ASXL3: variants seen among roughly 807,000 people sequenced by gnomAD.
The protein encoded by ASXL3 is ASXL transcriptional regulator 3, also known as putative Polycomb group protein ASXL3.
In ASXL3, 34 loss-of-function variants were observed where a neutral mutation model predicts 170.6. The ratio of observed to expected loss-of-function variants is 0.20; its 90% confidence interval spans 0.15 to 0.27. The LOEUF is 0.27. ASXL3 is among the 10% of genes least tolerant of loss of function. The probability of loss-of-function intolerance (pLI) is 1.00; values close to 1 mark genes in which losing one functional copy is unlikely to be tolerated. For missense variants in ASXL3, 2,592 were observed against 2,695.3 expected, an observed-to-expected ratio of 0.96 and a Z score of 0.85; for synonymous variants, 1,002 against 989.1, an observed-to-expected ratio of 1.01 and a Z score of -0.24.
intron 8 of ASXL3, among the ~76,000 whole-genome samples, chr18:33,720,475 C>T (rs1379429607): frequency 6.6e-6 from 1 of 151,956 alleles, no homozygotes; most frequent in Non-Finnish European, 1.5e-5. Context: ...AGTTTTTTCC[C>T]CCCTTCCCCC....
chr18:33,617,422 C>T (rs566398535), intron 2 of ASXL3, among the ~76,000 whole-genome samples: 4 of 152,184 alleles, frequency 2.6e-5, no homozygotes, highest in South Asian at 2.1e-4. Flanking sequence ...ACCTGGGAGG[C>T]GGAGGTTGCA....
chr18:33,735,450 A>G (rs1344297382), intron 10 of ASXL3, among the ~76,000 whole-genome samples: 1 of 152,184 alleles, frequency 6.6e-6, no homozygotes, highest in African/African-American at 2.4e-5. Flanking sequence ...AAGCAAAACC[A>G]AATAAAGATA....
At chr18:33,731,799 C>T (rs756917077) in intron 8 of ASXL3, among the ~76,000 whole-genome samples, 169 bp from the exon 9 acceptor site, 2 of 152,094 alleles carry the variant, frequency 1.3e-5, no homozygotes, top group Admixed American at 1.3e-4. Flanking sequence ...CACATGCTCT[C>T]GCTGGAGCTC....
rs375516125 is a variant in ASXL3, at chr18:33,743,250, C to G, written c.3402C>G (p.Ser1134Arg). Reference protein sequence around the residue: ...SKETRLPPPLSSKEGPPNLEV... With the variant: ...SKETRLPPPLRSKEGPPNLEV... ...AGACCCGGTTGCCTCCTCCGCTCAG[C>G]TCAAAGGAAGGGCCTCCAAACTTAG... The change falls in exon 12 of 12, where the codon AGC (serine) becomes AGG (arginine). Residue 1134 changes from serine to arginine, a missense_variant. Ser to Arg is a moderately radical substitution (Grantham distance 110, BLOSUM62 -1). Coordinates refer to ENST00000269197, the MANE Select transcript of ASXL3 (RefSeq NM_030632.3). 6.2e-7 allele frequency: 1 copy of G among 1,613,824 alleles called. No homozygotes were observed. Among genetic ancestry groups the G allele is most frequent in the Non-Finnish European group, 8.5e-7 (1 of 1,179,852 alleles).
At chr18:33,685,333 C>T (rs1397751580) in intron 8 of ASXL3, among the ~76,000 whole-genome samples, 1 of 152,184 alleles carries the variant, frequency 6.6e-6, no homozygotes, top group African/African-American at 2.4e-5. Context: ...CCTTGTTCTC[C>T]AGTAGTCACA....
chr18:33,606,353 G>A (rs979885261), intron 1 of ASXL3, among the ~76,000 whole-genome samples: 1 of 151,882 alleles, frequency 6.6e-6, no homozygotes, highest in African/African-American at 2.4e-5. Context: ...TAAGGAAGGG[G>A]CTGATCAGGA....
intron 2 of ASXL3, among the ~76,000 whole-genome samples, chr18:33,639,652 T>C (rs190993754): frequency 6.6e-6 from 1 of 152,316 alleles, no homozygotes; most frequent in East Asian, 1.9e-4. Context: ...TTTGTCCTTG[T>C]ATTAATGTTT....
chr18:33,642,861 AT>A (rs2065865898), intron 2 of ASXL3, among the ~76,000 whole-genome samples: 1 of 151,860 alleles, frequency 6.6e-6, no homozygotes, highest in Non-Finnish European at 1.5e-5. Flanking sequence ...GTAATGTTAC[AT>A]TTGTTTAGTA....
Position 33,607,690 on chromosome 18 carries a change from T to C in ASXL3, c.137+14T>C. ...AAAAGAAACAAGGTCAGTATCCATA[T>C]TTAAAACATTTTCTGTTTTCATTAA... On this transcript the variant is annotated intron_variant, in intron 2 of 11. Transcript: ENST00000269197. 15 of 1,538,232 alleles carry C rather than the reference T, an allele frequency of 9.8e-6. No homozygotes were observed. The highest frequency in any genetic ancestry group is 1.3e-5 in the Non-Finnish European group (15 of 1,134,000).
chr18:33,680,331 G>A (rs1433069890), intron 7 of ASXL3, among the ~76,000 whole-genome samples: 2 of 151,976 alleles, frequency 1.3e-5, no homozygotes, highest in Non-Finnish European at 2.9e-5. Context: ...AGATGAGGCT[G>A]TATATTATTC....
chr18:33,593,209 C>CTTCT (rs988889388), intron 1 of ASXL3, among the ~76,000 whole-genome samples: 1 of 147,836 alleles, frequency 6.8e-6, no homozygotes, highest in Non-Finnish European at 1.5e-5. Context: ...TGTAACAATA[C>CTTCT]TTCTTTCTTT....
intron 2 of ASXL3, among the ~76,000 whole-genome samples, chr18:33,620,460 A>G (rs967464919): frequency 6.6e-6 from 1 of 152,074 alleles, no homozygotes; most frequent in African/African-American, 2.4e-5. Flanking sequence ...CTCCCCCACT[A>G]CGAGAAGGAA....
chr18:33,719,928 C>A (rs555470999), intron 8 of ASXL3, among the ~76,000 whole-genome samples: 6 of 152,128 alleles, frequency 3.9e-5, no homozygotes, highest in South Asian at 2.1e-4. Flanking sequence ...GCAGACCAGA[C>A]AGACTAAGGC....
In ASXL3 at chr18:33,628,568, A is replaced by T. The variant is rs79184372; in HGVS notation, c.138-16326A>T. Reference sequence around the variant, plus strand: ...TTGTTCTGACATTTCTTCACACTCTATGCTGAAAATGAAGTAAAGATACCC... The same window carrying T: ...TTGTTCTGACATTTCTTCACACTCTTTGCTGAAAATGAAGTAAAGATACCC... On this transcript the variant is annotated intron_variant, in intron 2 of 11. Transcript: ENST00000269197. Among the ~76,000 whole-genome samples, 725 of 152,268 alleles carry T rather than the reference A, an allele frequency of 4.8e-3. 5 individuals are homozygous for T. Among genetic ancestry groups the T allele is most frequent in the Middle Eastern group, 0.024 (7 of 294 alleles).
At chr18:33,590,780 T>C (rs1289634922) in intron 1 of ASXL3, among the ~76,000 whole-genome samples, 1 of 152,228 alleles carries the variant, frequency 6.6e-6, no homozygotes, top group Admixed American at 6.5e-5. Flanking sequence ...ATTTCTGTTC[T>C]ATTTTCCCCC....
intron 1 of ASXL3, among the ~76,000 whole-genome samples, chr18:33,590,841 A>G (rs2065071030): frequency 6.6e-6 from 1 of 152,166 alleles, no homozygotes; most frequent in Non-Finnish European, 1.5e-5. Flanking sequence ...TATAATATTT[A>G]TAAGATAGTT....
intron 2 of ASXL3, chr18:33,609,010 A>G (rs2065293541): frequency 3.0e-6 from 3 of 984,660 alleles, no homozygotes; most frequent in Non-Finnish European, 3.6e-6. Flanking sequence ...ATAGCCTAAG[A>G]TAATATAACC....
intron 8 of ASXL3, among the ~76,000 whole-genome samples, chr18:33,693,193 T>A (rs1284341528): frequency 6.6e-6 from 1 of 152,182 alleles, no homozygotes; most frequent in Non-Finnish European, 1.5e-5. Context: ...AAGGAGGTGC[T>A]GAATACATGT....
Position 33,739,967 on chromosome 18 carries a change from C to G in ASXL3, c.2563C>G (p.Leu855Val), listed in dbSNP as rs1372992648. ...EKPYPASIPE[L>V]ASTEMIKVKN... The stretch of plus-strand genomic sequence containing the variant: ...GCCCTACCCTGCTTCAATTCCAGAA[C>G]TTGCTTCTACTGAAATGATAAAAGT... The change falls in exon 11 of 12, where the codon CTT becomes GTT. Residue 855 changes from leucine (L) to valine (V), a missense_variant. Physicochemically the swap from Leu to Val is conservative, Grantham distance 32. Coordinates refer to ENST00000269197, the MANE Select transcript of ASXL3 (RefSeq NM_030632.3). The G allele has an allele frequency of 1.2e-6, 2 of 1,613,936 alleles. No individual in the cohort carries two copies. Among genetic ancestry groups the G allele is most frequent in the Admixed American group, 1.7e-5 (1 of 60,016 alleles).
Sources: gnomAD v4.1 joint callset for allele counts (sites outside exome capture counted in the v4.1 genomes callset) on GRCh38, gnomAD v4.1.1 for gene constraint, MANE v1.5 for transcripts, NCBI Gene and HGNC (gene_info 2026-07-23, HGNC 2026-07-21) for gene names.